Variants in HMCN1 observed in about 807,000 individuals in gnomAD.
HMCN1 encodes the protein hemicentin 1.
A neutral mutation model predicts 625.9 loss-of-function variants in HMCN1; 321 were observed. The ratio of observed to expected loss-of-function variants is 0.51; its 90% CI spans 0.47 to 0.56. HMCN1 has a LOEUF of 0.56. HMCN1 is among the 20% of genes least tolerant of loss of function. The pLI is 0.00. For synonymous variants in HMCN1, 2,425 were observed against 2,417.6 expected, an observed-to-expected ratio of 1.00 and a Z score of -0.09; for missense variants, 6,588 against 6,887.3, an observed-to-expected ratio of 0.96 and a Z score of 1.54.
At chr1:186,133,119 A>G (rs1662033067) in intron 86 of HMCN1, among the ~76,000 whole-genome samples, 1 of 152,066 alleles carries the variant, frequency 6.6e-6, no homozygotes, top group African/African-American at 2.4e-5. Flanking sequence ...ACTCCTGGGG[A>G]TCTAGAACTA....
At chr1:185,842,002 C>T (rs77131512) in intron 1 of HMCN1, among the ~76,000 whole-genome samples, 3,132 of 152,180 alleles carry the variant, frequency 0.021, 106 homozygotes, top group African/African-American at 0.071. Flanking sequence ...TTGTTTTAAC[C>T]AATTTGAAAT....
At chr1:185,896,534 A>G (rs1009294814) in intron 4 of HMCN1, among the ~76,000 whole-genome samples, 1 of 152,216 alleles carries the variant, frequency 6.6e-6, no homozygotes, top group Non-Finnish European at 1.5e-5. Flanking sequence ...TTTACATAGA[A>G]TTTATTACTG....
At chr1:186,019,745 C>T in intron 35 of HMCN1, 50 bp downstream of exon 35, 1 of 1,449,312 alleles carries the variant, frequency 6.9e-7, no homozygotes, top group Non-Finnish European at 9.6e-7. Flanking sequence ...CATATATCTT[C>T]CTGGAAATAT....
intron 18 of HMCN1, 141 bp from the exon 19 acceptor site, chr1:185,984,028 G>A (rs1425586767): frequency 1.5e-5 from 10 of 646,142 alleles, no homozygotes; most frequent in African/African-American, 7.3e-5. Context: ...TATGCTCATC[G>A]TTCTTCACTT....
intron 43 of HMCN1, 56 bp from the exon 44 acceptor site, chr1:186,053,769 T>A (rs1284951314): frequency 1.2e-5 from 19 of 1,561,290 alleles, no homozygotes; most frequent in Non-Finnish European, 1.7e-5. Context: ...CTTGGCAATG[T>A]ATACAAAATG....
chr1:186,106,842 T>A (rs750051219), intron 69 of HMCN1, 42 bp from the exon 70 acceptor site: 1 of 1,300,368 alleles, frequency 7.7e-7, no homozygotes, highest in Non-Finnish European at 1.1e-6. Context: ...TAACAAAAGC[T>A]AACATGTTAA....
intron 1 of HMCN1, among the ~76,000 whole-genome samples, chr1:185,737,127 T>C (rs994454698): frequency 1.3e-5 from 2 of 152,022 alleles, no homozygotes; most frequent in Non-Finnish European, 2.9e-5. Context: ...TTAAGAGTTT[T>C]TGGCCTCTTT....
chr1:186,090,465 G>A (rs547849772), intron 63 of HMCN1, among the ~76,000 whole-genome samples: 2 of 152,064 alleles, frequency 1.3e-5, no homozygotes, highest in East Asian at 1.9e-4. Flanking sequence ...ACTATCCATT[G>A]AGGATTTAAT....
Position 186,151,332 on chromosome 1 carries a change from A to G in HMCN1, c.14741A>G (p.Asn4914Ser). The G allele has an allele frequency of 1.9e-6, 3 of 1,613,622 alleles. No homozygotes were observed. The highest frequency in any genetic ancestry group is 2.5e-6 in the Non-Finnish European group (3 of 1,179,622). The change falls in exon 94 of 107, where the codon AAT (asparagine) becomes AGT (serine). Residue 4914 changes from asparagine to serine, a missense_variant. By Grantham distance (46) the Asn-to-Ser change is conservative. Coordinates refer to ENST00000271588, the MANE Select transcript of HMCN1 (RefSeq NM_031935.3). The stretch of plus-strand genomic sequence containing the variant: ...AGAATAATACGTGCCAAAATTACCA[A>G]TGTACCTCGTAGTCTTGGTAAGTCT... ...DTRIIRAKITNVPRSLGSAMR... is the reference protein window; with the variant it reads ...DTRIIRAKITSVPRSLGSAMR...
chr1:186,011,237 G>A (rs1384685920), intron 30 of HMCN1, among the ~76,000 whole-genome samples: 1 of 152,068 alleles, frequency 6.6e-6, no homozygotes, highest in Non-Finnish European at 1.5e-5. Context: ...ATTAGAGATG[G>A]CATTTCACTG....
chr1:185,748,999 A>C (rs552650258), intron 1 of HMCN1, among the ~76,000 whole-genome samples: 1 of 152,326 alleles, frequency 6.6e-6, no homozygotes, highest in African/African-American at 2.4e-5. Flanking sequence ...GATAAATGTT[A>C]AATCTCTGGC....
At chr1:185,809,199 C>T (rs573537918) in intron 1 of HMCN1, among the ~76,000 whole-genome samples, 5 of 152,148 alleles carry the variant, frequency 3.3e-5, no homozygotes, top group South Asian at 2.1e-4. Context: ...ATTTTACAGA[C>T]GGGGCTGGAG....
At chr1:186,062,666 A>G in intron 48 of HMCN1, 66 bp downstream of exon 48, 2 of 1,049,734 alleles carry the variant, frequency 1.9e-6, no homozygotes, top group South Asian at 1.3e-5. Flanking sequence ...CCTCCACTAT[A>G]TATCTTAAAA....
At chr1:185,831,261 A>G (rs535108737) in intron 1 of HMCN1, among the ~76,000 whole-genome samples, 1 of 152,172 alleles carries the variant, frequency 6.6e-6, no homozygotes, top group Non-Finnish European at 1.5e-5. Flanking sequence ...AAAGGAAATT[A>G]TTAACATATC....
chr1:186,007,337 G>A (rs1285763288), intron 30 of HMCN1, 55 bp downstream of exon 30: 1 of 1,534,470 alleles, frequency 6.5e-7, no homozygotes, highest in Non-Finnish European at 9.0e-7. Context: ...AAGTTGACAA[G>A]CAGGGTTTAC....
chr1:185,868,809 G>A (rs1015037645), intron 4 of HMCN1, among the ~76,000 whole-genome samples: 1 of 152,142 alleles, frequency 6.6e-6, no homozygotes, highest in Admixed American at 6.5e-5. Flanking sequence ...AAAATTTGAT[G>A]TAAATTCAGA....
intron 101 of HMCN1, 112 bp downstream of exon 101, chr1:186,171,562 G>GCATA: frequency 2.4e-6 from 2 of 847,240 alleles, no homozygotes; most frequent in Non-Finnish European, 4.0e-6. Context: ...AGGACATCAA[G>GCATA]CATGCAGCAT....
chr1:185,860,173 ATTTACT>A (rs1420002217), intron 2 of HMCN1, among the ~76,000 whole-genome samples: 1 of 152,204 alleles, frequency 6.6e-6, no homozygotes, highest in African/African-American at 2.4e-5. Context: ...ATTAGTTAAC[ATTTACT>A]TTTAATTTTC....
At chr1:185,807,610 A>C (rs1659252835) in intron 1 of HMCN1, among the ~76,000 whole-genome samples, 1 of 152,162 alleles carries the variant, frequency 6.6e-6, no homozygotes, top group African/African-American at 2.4e-5. Flanking sequence ...CTTCTGTATT[A>C]CTTTGTTTTG....
Sources: allele counts gnomAD v4.1 joint callset (sites outside exome capture counted in the v4.1 genomes callset), GRCh38; gene constraint gnomAD v4.1.1; transcripts MANE v1.5; gene names NCBI Gene and HGNC (gene_info 2026-07-23, HGNC 2026-07-21).